RORA: variants seen among roughly 807,000 people sequenced by gnomAD.
RORA encodes nuclear receptor ROR-alpha.
RORA carries 7 observed loss-of-function variants against 69.5 expected under a neutral mutation model. The observed-to-expected ratio is 0.10, with a 90% CI of 0.06 to 0.19. RORA has a LOEUF of 0.19. Among genes scored for constraint, RORA ranks in the 10% least tolerant of loss-of-function variants. RORA has a pLI of 1.00. For synonymous variants in RORA, 261 were observed against 240.8 expected (o/e 1.08, Z -0.78); for missense variants, 457 against 663.0 (o/e 0.69, Z 3.41).
chr15:60,675,677 T>C (rs2070541944), intron 2 of RORA, among the ~76,000 whole-genome samples: 1 of 152,214 alleles, frequency 6.6e-6, no homozygotes, highest in Non-Finnish European at 1.5e-5. Context: ...TGGGAATTTC[T>C]GCCTCAAGTC....
Position 61,040,135 on chromosome 15 carries a change from T to TG in RORA, c.166+188917_166+188918insC, listed in dbSNP as rs1388562791. ...TTTGATATATATATATATATATATA[T>TG]ATATATATATATATATATATATATA... On this transcript the variant is annotated intron_variant, in intron 1 of 10. Transcript: ENST00000335670. Among the ~76,000 whole-genome samples the TG allele has an allele frequency of 2.2e-4, 23 of 103,728 alleles. 1 individual carries two copies. Among genetic ancestry groups the TG allele is most frequent in the Admixed American group, 9.8e-4 (8 of 8,186 alleles). The allele number at this position is 103,728 out of a possible 152,430, so 68.0% of individuals were successfully genotyped here. A position where few individuals can be genotyped will look rare whatever the true frequency, so the allele number is the denominator to read the frequency against.
In RORA at chr15:60,511,446, G is replaced by A; in HGVS notation, c.600C>T (p.Leu200=). ...GGGTGTGCCCGTCAATGTAGTTACT[G>A]AGGTCGTCGTGAAGTTCCGTCAGCC... ...ANGLTELHDD[L]SNYIDGHTPE... is the part of the protein sequence containing the mutation. The change falls in exon 5 of 11, where the codon CTC becomes CTT. Residue 200 remains leucine, a synonymous_variant. Coordinates refer to ENST00000335670, the MANE Select transcript of RORA (RefSeq NM_134261.3). This position sits in a 1 kb window ranked among gnomAD's most constrained non-coding sequence, Gnocchi z 6.4. The A allele has an allele frequency of 6.2e-7, 1 of 1,614,178 alleles. No homozygotes were observed. The highest frequency in any genetic ancestry group is 8.5e-7 in the Non-Finnish European group (1 of 1,180,030).
chr15:60,906,330 G>T (rs1055711582), intron 1 of RORA, among the ~76,000 whole-genome samples: 4 of 152,180 alleles, frequency 2.6e-5, no homozygotes, highest in African/African-American at 9.7e-5. Context: ...TTAACTACCA[G>T]GGGCTGAGCT....
intron 1 of RORA, among the ~76,000 whole-genome samples, chr15:60,726,934 T>C (rs1469268671): frequency 1.3e-5 from 2 of 152,208 alleles, no homozygotes; most frequent in African/African-American, 4.8e-5. Flanking sequence ...CTAATTATAC[T>C]ACAGAATCTC....
chr15:60,683,674 A>ACACACACACACG (rs2070691982), intron 1 of RORA, among the ~76,000 whole-genome samples: 1 of 151,562 alleles, frequency 6.6e-6, no homozygotes, highest in Non-Finnish European at 1.5e-5. Flanking sequence ...ACACACACAC[A>ACACACACACACG]CGGCAGGTGT....
At chr15:60,964,794 G>T (rs1270913182) in intron 1 of RORA, among the ~76,000 whole-genome samples, 2 of 152,222 alleles carry the variant, frequency 1.3e-5, no homozygotes, top group Non-Finnish European at 2.9e-5. Context: ...GAGCGCCACA[G>T]TTGCTGATGT....
chr15:60,851,931 A>G (rs1367055600), intron 1 of RORA, among the ~76,000 whole-genome samples: 1 of 152,166 alleles, frequency 6.6e-6, no homozygotes, highest in African/African-American at 2.4e-5. Flanking sequence ...AGCTCCCTGA[A>G]GGGCAGGATT....
At chr15:60,582,364 T>C (rs1406070016) in intron 2 of RORA, among the ~76,000 whole-genome samples, 1 of 152,214 alleles carries the variant, frequency 6.6e-6, no homozygotes, top group Non-Finnish European at 1.5e-5. Context: ...AACTAGAGCA[T>C]GTTTCTGTTT....
At chr15:61,053,831 G>T (rs1319421427) in intron 1 of RORA, among the ~76,000 whole-genome samples, 2 of 54,228 alleles carry the variant, frequency 3.7e-5, no homozygotes, top group African/African-American at 1.6e-4. Context: ...ACAGCATGAA[G>T]AGTGTTTAGA....
In RORA at chr15:61,225,311, C is replaced by T. The variant is rs557984150; in HGVS notation, c.166+3742G>A. On this transcript the variant is annotated intron_variant, in intron 1 of 10. Transcript: ENST00000335670. ...GCATCATTTGTTCACTGTGGCGAGC[C>T]GGGTCCATGTGAGGAAAGTTGATCT... is the stretch of plus-strand genomic sequence containing the variant. Among the ~76,000 whole-genome samples the T allele has an allele frequency of 2.1e-4, 32 of 152,122 alleles. No homozygotes were observed. In the South Asian group the frequency reaches 6.0e-3, roughly 29 times the overall value.
chr15:61,028,975 G>A (rs961979268), intron 1 of RORA, among the ~76,000 whole-genome samples: 1 of 152,028 alleles, frequency 6.6e-6, no homozygotes, highest in South Asian at 2.1e-4. Flanking sequence ...GGTATGATGG[G>A]GAGTGAGTGC....
rs182270202 is a variant in RORA, at chr15:60,999,335, C to T, written c.166+229718G>A. 2.0e-5 allele frequency among the ~76,000 whole-genome samples: 3 copies of T among 152,228 alleles called. No individual in the cohort carries two copies. The East Asian group carries it at 5.8e-4, about 30-fold the overall frequency. ...CATGGGGTTCTCAAAAGAACAGTGA[C>T]AGGGAGCTCACTCCCACTAAGGCTC... On this transcript the variant is annotated intron_variant, in intron 1 of 10. Coordinates refer to ENST00000335670, the MANE Select transcript of RORA (RefSeq NM_134261.3).
chr15:60,799,521 C>T (rs1047830961), intron 1 of RORA, among the ~76,000 whole-genome samples: 5 of 152,060 alleles, frequency 3.3e-5, no homozygotes, highest in Non-Finnish European at 5.9e-5. Context: ...AACACAATAG[C>T]TCCTCTTCTG....
chr15:60,914,901 G>A (rs974498243), intron 1 of RORA, among the ~76,000 whole-genome samples: 2 of 152,192 alleles, frequency 1.3e-5, no homozygotes, highest in African/African-American at 4.8e-5. Flanking sequence ...TGGTGAAGGG[G>A]AGGGCACTAA....
chr15:60,597,815 C>T (rs566996060), intron 2 of RORA, among the ~76,000 whole-genome samples: 15 of 150,518 alleles, frequency 1.0e-4, no homozygotes, highest in Admixed American at 5.3e-4. Context: ...CTGACTGCAA[C>T]GGGCCCCTAC....
rs117298721 is a variant in RORA at position 60,707,976 on chromosome 15, T to C, written c.167-29290A>G. 4.6e-4 allele frequency among the ~76,000 whole-genome samples: 70 copies of C among 152,290 alleles called. 3 individuals carry two copies. The East Asian group carries it at 0.013, about 29-fold the overall frequency. On this transcript the variant is annotated intron_variant, in intron 1 of 10. Coordinates refer to ENST00000335670, the MANE Select transcript of RORA (RefSeq NM_134261.3). ...GTATAGAACACATTGTATACATACT[T>C]GAGTTCATGTTTACCACCCATTTGC...
At chr15:60,931,474 A>C (rs559214398) in intron 1 of RORA, among the ~76,000 whole-genome samples, 1 of 152,264 alleles carries the variant, frequency 6.6e-6, no homozygotes, top group South Asian at 2.1e-4. Context: ...AAGCCCTGCC[A>C]ATCTCCCAGA....
At chr15:60,936,158 A>G (rs944676036) in intron 1 of RORA, among the ~76,000 whole-genome samples, 1 of 152,176 alleles carries the variant, frequency 6.6e-6, no homozygotes, top group African/African-American at 2.4e-5. Context: ...CTAGGACCCA[A>G]TCCTATCTGA....
chr15:60,583,909 T>C (rs2068260560), intron 2 of RORA, among the ~76,000 whole-genome samples: 1 of 152,210 alleles, frequency 6.6e-6, no homozygotes, highest in African/African-American at 2.4e-5. Context: ...ACCTGTCTTA[T>C]CCTCACAAGA....
Sources: allele counts gnomAD v4.1 joint callset (sites outside exome capture counted in the v4.1 genomes callset), GRCh38; gene constraint gnomAD v4.1.1; non-coding constraint Gnocchi (gnomAD v3.1); transcripts MANE v1.5; gene names NCBI Gene and HGNC (gene_info 2026-07-23, HGNC 2026-07-21).